The following NR2C1 variants were observed in gnomAD, a reference collection of about 807,000 sequenced individuals.
NR2C1 encodes nuclear receptor subfamily 2 group C member 1.
NR2C1 carries 33 observed loss-of-function variants against 74.8 expected under a neutral mutation model. That is an observed-to-expected ratio of 0.44 (90% CI 0.33 to 0.59). The LOEUF (loss-of-function observed/expected upper bound fraction) is 0.59, where lower values mean the gene tolerates loss of function less well. Among genes scored for constraint, NR2C1 ranks in the 20% least tolerant of loss-of-function variants. NR2C1 has a pLI of 0.02. For missense variants in NR2C1, 568 were observed against 715.6 expected (o/e 0.79, Z 2.35); for synonymous variants, 225 against 240.6 (o/e 0.94, Z 0.60).
chr12:95,050,125 C>A lies in NR2C1; in HGVS notation c.966-892G>T, dbSNP rs143251487. Among the ~76,000 whole-genome samples, 9 of 152,152 alleles carry A rather than the reference C, an allele frequency of 5.9e-5. No homozygotes were observed. The East Asian group carries it at 1.2e-3, about 20-fold the overall frequency. ...CAGAGAGTATTTTAAAATGTGTGGT[C>A]ACATAGCTAAATCTAAACTGTAACA... On this transcript the variant is annotated intron_variant, in intron 8 of 13. Coordinates refer to ENST00000333003, the MANE Select transcript of NR2C1 (RefSeq NM_003297.4).
chr12:95,022,161 T>G lies in NR2C1; in HGVS notation c.*68A>C. On this transcript the variant is annotated 3_prime_UTR_variant, in exon 14 of 14. Transcript: ENST00000333003. ...AAATTTCCAGATGCCTCAAAAGCAG[T>G]GAGTTCAATTTGGTGTCTTGTGTTC... The G allele has an allele frequency of 1.1e-5, 14 of 1,259,790 alleles. No homozygotes were observed. Among genetic ancestry groups the G allele is most frequent in the Non-Finnish European group, 1.5e-5 (14 of 938,258 alleles). The allele number at this position is 1,259,790 out of a possible 1,614,324, so 78.0% of individuals were successfully genotyped here. A position where few individuals can be genotyped will look rare whatever the true frequency, so the allele number is the denominator to read the frequency against.
At chr12:95,051,435 C>T (rs1428889836) in intron 8 of NR2C1, among the ~76,000 whole-genome samples, 1 of 152,172 alleles carries the variant, frequency 6.6e-6, no homozygotes, top group African/African-American at 2.4e-5. Context: ...CAAGTTCCCC[C>T]GATTCCCCAT....
chr12:95,059,150 A>G (rs527830032), intron 4 of NR2C1, among the ~76,000 whole-genome samples: 1 of 151,760 alleles, frequency 6.6e-6, no homozygotes, highest in South Asian at 2.1e-4. Flanking sequence ...GAAAATACAA[A>G]AATTAGCAGG....
intron 9 of NR2C1, among the ~76,000 whole-genome samples, chr12:95,044,944 A>C (rs1372084683): frequency 6.6e-6 from 1 of 151,900 alleles, no homozygotes; most frequent in Non-Finnish European, 1.5e-5. Context: ...TCAGGCCTAT[A>C]ATCTCAGCAC....
chr12:95,023,392 GA>G (rs1349428362), intron 13 of NR2C1, among the ~76,000 whole-genome samples: 3 of 152,028 alleles, frequency 2.0e-5, no homozygotes, highest in Non-Finnish European at 2.9e-5. Context: ...TCAAGAAAAA[GA>G]AAAAGAATGG....
intron 2 of NR2C1, 76 bp from the exon 3 acceptor site, chr12:95,062,814 C>A: frequency 9.2e-7 from 1 of 1,083,588 alleles, no homozygotes; most frequent in Non-Finnish European, 1.4e-6. Flanking sequence ...CTTAGAAAAG[C>A]ACATTACATA....
intron 13 of NR2C1, among the ~76,000 whole-genome samples, chr12:95,023,245 T>C (rs558706204): frequency 1.3e-5 from 2 of 152,214 alleles, no homozygotes; most frequent in Admixed American, 6.5e-5. Context: ...CATGGTGGCA[T>C]GTGCCTATAA....
chr12:95,034,961 G>C (rs1360219634), intron 10 of NR2C1, among the ~76,000 whole-genome samples: 3 of 152,128 alleles, frequency 2.0e-5, no homozygotes, highest in Non-Finnish European at 2.9e-5. Flanking sequence ...ACTAAAAAAA[G>C]TGGGCGAAAA....
chr12:95,055,880 G>T (rs1427526003), intron 7 of NR2C1, among the ~76,000 whole-genome samples: 26 of 150,664 alleles, frequency 1.7e-4, no homozygotes, highest in Non-Finnish European at 2.8e-4. Flanking sequence ...GTGAACCCAG[G>T]AGGCGGAGGC....
chr12:95,045,298 G>A (rs1322192760), intron 9 of NR2C1, among the ~76,000 whole-genome samples: 2 of 152,080 alleles, frequency 1.3e-5, no homozygotes, highest in Non-Finnish European at 2.9e-5. Flanking sequence ...GAATGTGGAG[G>A]GCCCTAAAAG....
At chr12:95,042,428 G>C (rs948020304) in intron 9 of NR2C1, among the ~76,000 whole-genome samples, 1 of 151,808 alleles carries the variant, frequency 6.6e-6, no homozygotes, top group African/African-American at 2.4e-5. Flanking sequence ...GGCCAGGCTC[G>C]TCTCAAACTC....
intron 13 of NR2C1, 50 bp from the exon 14 acceptor site, chr12:95,022,453 G>C (rs751557649): frequency 2.8e-6 from 4 of 1,409,500 alleles, no homozygotes; most frequent in Non-Finnish European, 3.9e-6. Flanking sequence ...AAACCAGAAA[G>C]AAATTTAGTA....
At chr12:95,045,648 T>C (rs562517460) in intron 9 of NR2C1, among the ~76,000 whole-genome samples, 1 of 152,206 alleles carries the variant, frequency 6.6e-6, no homozygotes, top group East Asian at 1.9e-4. Flanking sequence ...CTGACTCTAA[T>C]GTGAAAATAA....
chr12:95,028,254 C>CT, intron 12 of NR2C1, 133 bp downstream of exon 12: 1 of 670,656 alleles, frequency 1.5e-6, no homozygotes, highest in Non-Finnish European at 2.5e-6. Context: ...CATGTTTAAC[C>CT]TTTTGAAGAA....
intron 10 of NR2C1, among the ~76,000 whole-genome samples, chr12:95,038,909 T>C (rs1213690423): frequency 2.0e-5 from 3 of 152,048 alleles, no homozygotes; most frequent in African/African-American, 7.2e-5. Flanking sequence ...AAAAAATCAA[T>C]TGCCAATATG....
intron 10 of NR2C1, among the ~76,000 whole-genome samples, chr12:95,032,567 AT>A (rs1870278856): frequency 2.0e-5 from 3 of 152,254 alleles, no homozygotes; most frequent in Admixed American, 2.0e-4. Flanking sequence ...CTATTTATCC[AT>A]TTGAAATTAG....
chr12:95,041,329 A>G (rs955155036), intron 9 of NR2C1, among the ~76,000 whole-genome samples: 1 of 151,938 alleles, frequency 6.6e-6, no homozygotes, highest in African/African-American at 2.4e-5. Flanking sequence ...TTACTAAAAT[A>G]CCAAAAAAAA....
chr12:95,030,296 A>G (rs1869912813), intron 11 of NR2C1: 2 of 380,862 alleles, frequency 5.3e-6, no homozygotes, highest in South Asian at 1.6e-4. Context: ...TTAAGCTTAT[A>G]TTGGTTGGGA....
Position 95,057,967 on chromosome 12 carries a change from T to G in NR2C1, c.545-89A>C, listed in dbSNP as rs1874174288. On this transcript the variant is annotated intron_variant, in intron 5 of 13. Transcript: ENST00000333003. ...CTGTAGGTAAGCTTAATGCTGCTAA[T>G]AGGAGACATGGCTACCATACTAAAC... The G allele has an allele frequency of 1.0e-5, 11 of 1,078,784 alleles. 1 individual carries two copies. Among genetic ancestry groups the G allele is most frequent in the Non-Finnish European group, 1.4e-5 (10 of 730,546 alleles). The allele number at this position is 1,078,784 out of a possible 1,614,324, so 66.8% of individuals were successfully genotyped here.
Sources: allele counts gnomAD v4.1 joint callset (sites outside exome capture counted in the v4.1 genomes callset), GRCh38; gene constraint gnomAD v4.1.1; transcripts MANE v1.5; gene names NCBI Gene and HGNC (gene_info 2026-07-23, HGNC 2026-07-21).